SCMH1: variants seen among roughly 807,000 people sequenced by gnomAD.
SCMH1 encodes Scm polycomb group protein homolog 1.
A neutral mutation model predicts 70.8 loss-of-function variants in SCMH1; 37 were observed. That is an observed-to-expected ratio of 0.52 (90% CI 0.40 to 0.69). The LOEUF (loss-of-function observed/expected upper bound fraction) is 0.69. SCMH1 is among the 30% of genes least tolerant of loss of function. SCMH1 has a pLI of 0.00. For synonymous variants in SCMH1, 292 were observed against 307.4 expected (o/e 0.95, Z 0.52); for missense variants, 607 against 827.3 (o/e 0.73, Z 3.27).
At chr1:41,046,280 A>C in intron 12 of SCMH1, 127 bp downstream of exon 12, 2 of 703,352 alleles carry the variant, frequency 2.8e-6, no homozygotes, top group East Asian at 5.4e-5. Flanking sequence ...AAGGTAAGGG[A>C]CAGAAAAGCA....
intron 1 of SCMH1, among the ~76,000 whole-genome samples, chr1:41,219,679 C>A (rs544992860): frequency 6.6e-6 from 1 of 152,194 alleles, no homozygotes. Context: ...CCTGTAATCC[C>A]GGCACTTTGG....
At chr1:41,069,424 T>C (rs993844254) in intron 10 of SCMH1, among the ~76,000 whole-genome samples, 5 of 152,176 alleles carry the variant, frequency 3.3e-5, no homozygotes, top group Admixed American at 1.3e-4. Context: ...GGAATAGTAA[T>C]TGACAGGGGG....
chr1:41,170,501 G>A (rs1646719055), intron 2 of SCMH1, among the ~76,000 whole-genome samples: 1 of 152,132 alleles, frequency 6.6e-6, no homozygotes, highest in East Asian at 1.9e-4. Flanking sequence ...TGCATTCATG[G>A]GTGGAGGGAG....
chr1:41,067,805 G>T (rs1046365383), intron 10 of SCMH1, among the ~76,000 whole-genome samples: 2 of 152,164 alleles, frequency 1.3e-5, no homozygotes, highest in Non-Finnish European at 2.9e-5. Context: ...ATGGACATGG[G>T]TGATAATAAC....
chr1:41,074,893 C>T (rs958772151), intron 9 of SCMH1, among the ~76,000 whole-genome samples: 26 of 152,182 alleles, frequency 1.7e-4, no homozygotes, highest in Non-Finnish European at 3.1e-4. Context: ...GACGGAGTCT[C>T]GCTCTGTCAC....
At chr1:41,237,256 A>G (rs183119721) in intron 1 of SCMH1, among the ~76,000 whole-genome samples, 3 of 152,294 alleles carry the variant, frequency 2.0e-5, no homozygotes, top group Admixed American at 2.0e-4. Context: ...GTCACTTTCT[A>G]CCAGTGAGAT....
At chr1:41,037,015 C>G (rs1382614539) in intron 13 of SCMH1, among the ~76,000 whole-genome samples, 1 of 150,100 alleles carries the variant, frequency 6.7e-6, no homozygotes, top group East Asian at 1.9e-4. Flanking sequence ...TTACGTGTCT[C>G]TCTCACCATA....
intron 2 of SCMH1, 118 bp from the exon 3 acceptor site, chr1:41,161,550 C>G: frequency 8.6e-7 from 1 of 1,163,004 alleles, no homozygotes; most frequent in Non-Finnish European, 1.1e-6. Context: ...AGATTCTATG[C>G]TAAGGAAAAA....
intron 1 of SCMH1, among the ~76,000 whole-genome samples, chr1:41,217,709 G>A (rs186091084): frequency 5.4e-4 from 82 of 152,310 alleles, no homozygotes; most frequent in African/African-American, 2.0e-3. Context: ...GGAATGATAT[G>A]CAGGACGACT....
At chr1:41,049,690 C>G (rs1647312040) in intron 10 of SCMH1, among the ~76,000 whole-genome samples, 1 of 149,590 alleles carries the variant, frequency 6.7e-6, no homozygotes, top group Non-Finnish European at 1.5e-5. Context: ...TCGCTTGAAC[C>G]TGGAAGGTGG....
chr1:41,151,063 T>C lies in SCMH1; in HGVS notation c.177+551A>G, dbSNP rs1333410026. ...TAGGTAACTTCCTGACGTTTAACTT[T>C]GTTTAGCACCAAACACTTCTTTGCT... On this transcript the variant is annotated intron_variant, in intron 5 of 14. Transcript: ENST00000337495. 2.6e-5 allele frequency among the ~76,000 whole-genome samples: 4 copies of C among 152,312 alleles called. No individual in the cohort carries two copies. The East Asian group carries it at 7.7e-4, about 29-fold the overall frequency.
intron 2 of SCMH1, among the ~76,000 whole-genome samples, chr1:41,167,973 T>C (rs571549181): frequency 2.3e-4 from 34 of 150,778 alleles, no homozygotes; most frequent in Admixed American, 4.0e-4. Context: ...TTCTGATCTG[T>C]AAGGTTTCTG....
intron 13 of SCMH1, among the ~76,000 whole-genome samples, chr1:41,029,029 T>G (rs1468397762): frequency 6.6e-6 from 1 of 152,012 alleles, no homozygotes; most frequent in East Asian, 1.9e-4. Flanking sequence ...TTTGGGTGTC[T>G]GGGGGGCCTG....
rs115850765 is a variant in SCMH1, at chr1:41,066,161, G to A, written c.1105+4434C>T. On this transcript the variant is annotated intron_variant, in intron 10 of 14. Coordinates refer to ENST00000337495, the Ensembl canonical transcript of SCMH1. ...CAATGGCTAGGATTGAAAATGGTGC[G>A]TCAACTGTAGCTGCTTATGGCTCAG... 2.2e-4 allele frequency among the ~76,000 whole-genome samples: 33 copies of A among 152,300 alleles called. 1 individual carries two copies. The highest frequency in any genetic ancestry group is 2.4e-4 in the Non-Finnish European group (16 of 68,030).
In SCMH1 at chr1:41,048,783, G is replaced by T. The variant is rs142187533; in HGVS notation, c.1213C>A (p.Gln405Lys). Residue 405 changes from glutamine (Q) to lysine (K), a missense_variant, in exon 11 of 15, where the codon CAG becomes AAG. Gln to Lys is a moderately conservative substitution (Grantham distance 53). This residue lies in a region of SCMH1 where 430 missense variants were observed against 528.2 expected (regional missense o/e 0.81). Coordinates refer to ENST00000337495, the Ensembl canonical transcript of SCMH1. Reference sequence around the variant, plus strand: ...TCGATACAGGCCTGGACAGCCTGCTGCAACACCACAGAGGCACGGGCTGGT... The same window carrying T: ...TCGATACAGGCCTGGACAGCCTGCTTCAACACCACAGAGGCACGGGCTGGT... 7.0e-4 allele frequency: 1,132 copies of T among 1,614,180 alleles called. 13 individuals carry two copies. The African/African-American group carries it at 0.014, about 20-fold the overall frequency.
At chr1:41,201,979 C>T (rs1654460304) in intron 1 of SCMH1, among the ~76,000 whole-genome samples, 3 of 152,134 alleles carry the variant, frequency 2.0e-5, no homozygotes, top group South Asian at 4.2e-4. Flanking sequence ...AACCAAGAGG[C>T]GTGAGAAAAA....
At chr1:41,156,635 T>C (rs572130848) in intron 4 of SCMH1, among the ~76,000 whole-genome samples, 1 of 151,976 alleles carries the variant, frequency 6.6e-6, no homozygotes, top group African/African-American at 2.4e-5. Context: ...GACAGGGCTA[T>C]GCCAAATTGC....
At chr1:41,161,310 G>C (rs1369795802) in intron 3 of SCMH1, 54 bp downstream of exon 3, 3 of 1,545,886 alleles carry the variant, frequency 1.9e-6, no homozygotes, top group Non-Finnish European at 2.6e-6. Context: ...GGTTTTATGG[G>C]AAAAGATGCC....
At chr1:41,187,173 G>C (rs1200998807) in intron 1 of SCMH1, among the ~76,000 whole-genome samples, 1 of 152,060 alleles carries the variant, frequency 6.6e-6, no homozygotes, top group African/African-American at 2.4e-5. Context: ...ACGTTAGGCA[G>C]GTAACATGGC....
Sources: allele counts gnomAD v4.1 joint callset (sites outside exome capture counted in the v4.1 genomes callset), GRCh38; gene constraint gnomAD v4.1.1; regional missense constraint gnomAD v4.1.1; transcripts MANE v1.5; gene names NCBI Gene and HGNC (gene_info 2026-07-23, HGNC 2026-07-21).